Variants in NKAIN2 observed in about 807,000 individuals in gnomAD.
NKAIN2 encodes sodium/potassium transporting ATPase interacting 2, also known as sodium/potassium-transporting ATPase subunit beta-1-interacting protein 2.
A neutral mutation model predicts 32.6 loss-of-function variants in NKAIN2; 14 were observed. The ratio of observed to expected loss-of-function variants is 0.43; its 90% CI spans 0.28 to 0.67. NKAIN2 has a LOEUF of 0.67. NKAIN2 is among the 30% of genes least tolerant of loss of function. The pLI, the probability that NKAIN2 is intolerant of heterozygous loss-of-function variation, is 0.17. For synonymous variants in NKAIN2, 80 were observed against 87.2 expected, an observed-to-expected ratio of 0.92 and a Z score of 0.46; for missense variants, 198 against 258.3, an observed-to-expected ratio of 0.77 and a Z score of 1.60.
intron 1 of NKAIN2, among the ~76,000 whole-genome samples, chr6:123,840,332 C>T (rs909334191): frequency 2.6e-5 from 4 of 151,968 alleles, no homozygotes; most frequent in Non-Finnish European, 5.9e-5. Flanking sequence ...TATATCTCTT[C>T]TGCCAAAAAA....
chr6:124,448,809 A>G (rs1416918897), intron 3 of NKAIN2, among the ~76,000 whole-genome samples: 1 of 152,112 alleles, frequency 6.6e-6, no homozygotes, highest in Non-Finnish European at 1.5e-5. Flanking sequence ...AATTCTGCCT[A>G]TGTATAGTGA....
chr6:124,191,820 GTTTC>G (rs1356227086), intron 1 of NKAIN2, among the ~76,000 whole-genome samples: 1 of 151,938 alleles, frequency 6.6e-6, no homozygotes, highest in East Asian at 1.9e-4. Context: ...TTTATTAAAT[GTTTC>G]TTCAGTATCT....
chr6:124,686,503 A>C (rs769389546), intron 4 of NKAIN2, among the ~76,000 whole-genome samples: 1 of 151,984 alleles, frequency 6.6e-6, no homozygotes. Flanking sequence ...ATCTCATAGA[A>C]CCCTATAACA....
intron 3 of NKAIN2, among the ~76,000 whole-genome samples, chr6:124,360,126 C>G (rs1433979960): frequency 6.6e-6 from 1 of 152,168 alleles, no homozygotes; most frequent in Non-Finnish European, 1.5e-5. Context: ...ATGAAGCCCA[C>G]TTGATCATGG....
chr6:124,111,314 C>T (rs111388081), intron 1 of NKAIN2, among the ~76,000 whole-genome samples: 49 of 151,758 alleles, frequency 3.2e-4, no homozygotes, highest in African/African-American at 1.1e-3. Context: ...AAGTCTCCTG[C>T]TATTATTGTA....
At chr6:124,375,923 T>C (rs1799972503) in intron 3 of NKAIN2, among the ~76,000 whole-genome samples, 1 of 152,114 alleles carries the variant, frequency 6.6e-6, no homozygotes, top group East Asian at 1.9e-4. Flanking sequence ...AGGTTAAGCC[T>C]TTGCCCTTAG....
intron 1 of NKAIN2, chr6:124,121,821 C>T: frequency 1.9e-6 from 1 of 512,838 alleles, no homozygotes; most frequent in South Asian, 2.9e-5. Context: ...GTTGGGGTTG[C>T]CTTTAAATGG....
intron 5 of NKAIN2, among the ~76,000 whole-genome samples, chr6:124,794,373 A>G (rs1779905073): frequency 6.6e-6 from 1 of 152,196 alleles, no homozygotes; most frequent in Admixed American, 6.5e-5. Flanking sequence ...GGCCAAAGCA[A>G]TGTAAATTCA....
rs377353816 is a variant in NKAIN2, at chr6:124,040,204, G to T, written c.54+235950G>T. 2.2e-4 allele frequency among the ~76,000 whole-genome samples: 34 copies of T among 151,886 alleles called. No homozygotes were observed. In the East Asian group the frequency reaches 5.6e-3, roughly 25 times the overall value. ...ATATTTTATTATTTTCATACGTTGT[G>T]CAATTGTATTTGCTAATATTTTATT... On this transcript the variant is annotated intron_variant, in intron 1 of 6. Coordinates refer to ENST00000368417, the MANE Select transcript of NKAIN2 (RefSeq NM_001040214.3).
intron 3 of NKAIN2, among the ~76,000 whole-genome samples, chr6:124,594,758 A>G (rs1782023988): frequency 6.6e-6 from 1 of 152,144 alleles, no homozygotes; most frequent in Non-Finnish European, 1.5e-5. Context: ...GAGAGAGGAC[A>G]GTGAGGGGAT....
rs542015876 is a variant in NKAIN2, at chr6:124,484,767, A to C, written c.273+129420A>C. On this transcript the variant is annotated intron_variant, in intron 3 of 6. Transcript: ENST00000368417. Reference sequence around the variant, plus strand: ...TATCCATAAATACATACTTGTAAACATGCATGTATGAATAAATGTATGTTT... The same window carrying C: ...TATCCATAAATACATACTTGTAAACCTGCATGTATGAATAAATGTATGTTT... Among the ~76,000 whole-genome samples the C allele has an allele frequency of 1.4e-4, 21 of 152,288 alleles. 2 individuals carry two copies. In the South Asian group the frequency reaches 4.1e-3, roughly 30 times the overall value.
At chr6:124,528,181 C>T (rs568213255) in intron 3 of NKAIN2, among the ~76,000 whole-genome samples, 85 of 152,210 alleles carry the variant, frequency 5.6e-4, no homozygotes, top group Middle Eastern at 3.4e-3. Flanking sequence ...AGATGCTGGT[C>T]GCAAACTAAG....
At chr6:124,675,570 T>G (rs984151076) in intron 4 of NKAIN2, among the ~76,000 whole-genome samples, 3 of 152,124 alleles carry the variant, frequency 2.0e-5, no homozygotes, top group Non-Finnish European at 4.4e-5. Context: ...TCTTGATAAT[T>G]AAGTCTTGAT....
intron 5 of NKAIN2, among the ~76,000 whole-genome samples, chr6:124,814,927 A>G (rs1054722714): frequency 1.3e-4 from 20 of 152,156 alleles, no homozygotes; most frequent in East Asian, 9.7e-4. Flanking sequence ...AATAATAACA[A>G]CAGCAGCAGC....
At chr6:124,533,893 AC>A (rs1454631320) in intron 3 of NKAIN2, among the ~76,000 whole-genome samples, 1 of 152,060 alleles carries the variant, frequency 6.6e-6, no homozygotes, top group Non-Finnish European at 1.5e-5. Flanking sequence ...GTGTCCTCAC[AC>A]GTATGAAGGA....
chr6:124,716,192 G>A (rs6569392), intron 4 of NKAIN2, among the ~76,000 whole-genome samples: 67,191 of 152,010 alleles, frequency 0.44, 15,145 homozygotes, highest in African/African-American at 0.52. Context: ...GGTTCAGAAC[G>A]TAATTTTTAG....
At position 123,924,630 on chromosome 6, in the gene NKAIN2, C is replaced by G. The variant is rs137881171; in HGVS notation, c.54+120376C>G. Among the ~76,000 whole-genome samples, 520 of 152,224 alleles carry G rather than the reference C, an allele frequency of 3.4e-3. 3 individuals carry two copies. Among genetic ancestry groups the G allele is most frequent in the African/African-American group, 0.012 (497 of 41,542 alleles). On this transcript the variant is annotated intron_variant, in intron 1 of 6. Coordinates refer to ENST00000368417, the MANE Select transcript of NKAIN2 (RefSeq NM_001040214.3). ...CAGTAGAAAGAGAACAGGGATGGGA[C>G]TAAAAAGACCTGGATCGTTCAGTTC...
intron 1 of NKAIN2, among the ~76,000 whole-genome samples, chr6:123,907,689 C>G (rs142541129): frequency 6.6e-6 from 1 of 152,070 alleles, no homozygotes; most frequent in South Asian, 2.1e-4. Flanking sequence ...TCTCACCCCC[C>G]ACTGCTGCCC....
intron 1 of NKAIN2, among the ~76,000 whole-genome samples, chr6:124,123,418 C>A (rs1002545466): frequency 1.3e-4 from 20 of 152,076 alleles, no homozygotes; most frequent in African/African-American, 4.6e-4. Flanking sequence ...TAAAGAGTAG[C>A]TAATTCTTGT....
Sources: gnomAD v4.1 joint callset for allele counts (sites outside exome capture counted in the v4.1 genomes callset) on GRCh38, gnomAD v4.1.1 for gene constraint, MANE v1.5 for transcripts, NCBI Gene and HGNC (gene_info 2026-07-23, HGNC 2026-07-21) for gene names.